The following LRFN5 variants were observed in gnomAD, a reference collection of about 807,000 sequenced individuals.
LRFN5 encodes the protein leucine-rich repeat and fibronectin type-III domain-containing protein 5.
In LRFN5, 24 loss-of-function variants were observed where a neutral mutation model predicts 45.6. The observed-to-expected ratio is 0.53, with a 90% CI of 0.38 to 0.74. The LOEUF (loss-of-function observed/expected upper bound fraction) is 0.74. LRFN5 is among the 30% of genes least tolerant of loss of function. The pLI, the probability that LRFN5 is intolerant of heterozygous loss-of-function variation, is 0.00. For missense variants in LRFN5, 776 were observed against 861.5 expected, an observed-to-expected ratio of 0.90 and a Z score of 1.24; for synonymous variants, 340 against 313.8, an observed-to-expected ratio of 1.08 and a Z score of -0.88.
chr14:41,842,024 C>T (rs534775264), intron 2 of LRFN5, among the ~76,000 whole-genome samples: 4 of 151,840 alleles, frequency 2.6e-5, no homozygotes, highest in Non-Finnish European at 4.4e-5. Flanking sequence ...TGCTATAGTA[C>T]ATATTCCCCC....
intron 1 of LRFN5, among the ~76,000 whole-genome samples, chr14:41,699,251 A>T (rs1882740595): frequency 3.3e-5 from 5 of 152,078 alleles, no homozygotes. Context: ...ATAAGGTTCT[A>T]GGTGATGAAA....
intron 2 of LRFN5, among the ~76,000 whole-genome samples, chr14:41,874,481 T>TAAC (rs1191113780): frequency 1.3e-5 from 2 of 152,160 alleles, no homozygotes; most frequent in African/African-American, 4.8e-5. Flanking sequence ...AACTGAAAGG[T>TAAC]AACAACTCTG....
At chr14:41,837,790 C>G (rs1179468739) in intron 2 of LRFN5, among the ~76,000 whole-genome samples, 2 of 152,042 alleles carry the variant, frequency 1.3e-5, no homozygotes, top group Non-Finnish European at 2.9e-5. Flanking sequence ...AATAATTTAT[C>G]TGGGAGTTTG....
At chr14:41,764,946 A>G (rs1163596875) in intron 1 of LRFN5, among the ~76,000 whole-genome samples, 1 of 152,136 alleles carries the variant, frequency 6.6e-6, no homozygotes, top group East Asian at 1.9e-4. Flanking sequence ...TTCAGTTAAG[A>G]TACTTTACCA....
intron 1 of LRFN5, among the ~76,000 whole-genome samples, chr14:41,671,106 T>G (rs1881187435): frequency 6.6e-6 from 1 of 151,982 alleles, no homozygotes; most frequent in South Asian, 2.1e-4. Flanking sequence ...GTAAAGGAAA[T>G]TTATTTTCTA....
chr14:41,765,628 T>A (rs1458582217), intron 1 of LRFN5, among the ~76,000 whole-genome samples: 1 of 152,204 alleles, frequency 6.6e-6, no homozygotes, highest in Non-Finnish European at 1.5e-5. Context: ...AATTGCTGTA[T>A]CAACATGGTT....
intron 4 of LRFN5, chr14:41,892,751 C>A: frequency 5.1e-6 from 5 of 985,260 alleles, no homozygotes; most frequent in Non-Finnish European, 6.0e-6. Context: ...CTATGATACA[C>A]CTTTTTCAGT....
chr14:41,673,312 C>A (rs1294134072), intron 1 of LRFN5, among the ~76,000 whole-genome samples: 1 of 151,394 alleles, frequency 6.6e-6, no homozygotes, highest in African/African-American at 2.4e-5. Context: ...GCGCCCCTCA[C>A]CTCCGGGACG....
At position 41,891,735 on chromosome 14, in the gene LRFN5, C is replaced by T; in HGVS notation, c.1871C>T (p.Thr624Ile). The change falls in exon 4 of 6, where the codon ACC becomes ATC. Residue 624 changes from threonine (T) to isoleucine (I), a missense_variant. Physicochemically the swap from Thr to Ile is moderately conservative, Grantham distance 89. Coordinates refer to ENST00000298119, the MANE Select transcript of LRFN5 (RefSeq NM_152447.5). The part of the protein sequence containing the change: ...SETCSSQDSS[T>I]TTSALPPSWT... ...ACTTGTTCGAGTCAGGACTCCTCTA[C>T]CACTACCTCTGCTTTGCCTCCTTCC... 6.2e-7 allele frequency: 1 copy of T among 1,614,172 alleles called. No individual in the cohort carries two copies. The highest frequency in any genetic ancestry group is 8.5e-7 in the Non-Finnish European group (1 of 1,180,036).
intron 2 of LRFN5, among the ~76,000 whole-genome samples, chr14:41,873,419 CAGAGAGAG>C (rs10558865): frequency 0.058 from 8,564 of 146,526 alleles, 886 homozygotes; most frequent in East Asian, 0.49. Context: ...GAGAGAGAGA[CAGAGAGAG>C]AGAGAGAGAG....
intron 2 of LRFN5, among the ~76,000 whole-genome samples, chr14:41,854,365 G>T (rs1055794064): frequency 6.6e-6 from 1 of 151,988 alleles, no homozygotes; most frequent in African/African-American, 2.4e-5. Flanking sequence ...GGCCTGTCGT[G>T]GGGTGGGGAG....
intron 2 of LRFN5, among the ~76,000 whole-genome samples, chr14:41,860,443 A>G (rs1421291338): frequency 6.6e-6 from 1 of 152,170 alleles, no homozygotes; most frequent in Non-Finnish European, 1.5e-5. Context: ...AACCAAATAT[A>G]CAATATTTTA....
At chr14:41,668,178 T>C (rs1181839857) in intron 1 of LRFN5, among the ~76,000 whole-genome samples, 2 of 152,116 alleles carry the variant, frequency 1.3e-5, no homozygotes, top group African/African-American at 4.8e-5. Context: ...ATAACAATAT[T>C]ACTGCAGTTT....
At chr14:41,685,232 A>G (rs1450222214) in intron 1 of LRFN5, among the ~76,000 whole-genome samples, 1 of 152,194 alleles carries the variant, frequency 6.6e-6, no homozygotes, top group African/African-American at 2.4e-5. Flanking sequence ...GGAGAACAGT[A>G]TGGAGGTTCC....
intron 1 of LRFN5, among the ~76,000 whole-genome samples, chr14:41,738,125 A>G (rs913997992): frequency 6.6e-6 from 1 of 152,238 alleles, no homozygotes; most frequent in African/African-American, 2.4e-5. Flanking sequence ...CCAAAACAGC[A>G]TGGTACTGGT....
In LRFN5 at chr14:41,887,765, A is replaced by G. The variant is rs747068191; in HGVS notation, c.1140A>G (p.Leu380=). 2.5e-6 allele frequency: 4 copies of G among 1,614,016 alleles called. No homozygotes were observed. The highest frequency in any genetic ancestry group is 3.4e-6 in the Non-Finnish European group (4 of 1,180,036). ...VDLHIIKLPH[L]LNSTNHIHEP... is the part of the protein sequence containing the mutation. Reference sequence around the variant, plus strand: ...TTCATATAATTAAGCTCCCTCACTTACTAAATAGTACAAACCATATCCATG... The same window carrying G: ...TTCATATAATTAAGCTCCCTCACTTGCTAAATAGTACAAACCATATCCATG... Residue 380 remains leucine (L), a synonymous_variant, in exon 3 of 6, where the codon TTA becomes TTG. Coordinates refer to ENST00000298119, the MANE Select transcript of LRFN5 (RefSeq NM_152447.5). The surrounding 1 kb of genome is among the most constrained non-coding windows in gnomAD (Gnocchi z 4.8).
intron 2 of LRFN5, among the ~76,000 whole-genome samples, chr14:41,836,911 A>G (rs555142662): frequency 6.6e-6 from 1 of 152,090 alleles, no homozygotes; most frequent in East Asian, 1.9e-4. Flanking sequence ...ACAGAGAGGG[A>G]ATGACAGAGG....
intron 1 of LRFN5, among the ~76,000 whole-genome samples, chr14:41,715,767 C>A (rs1027931052): frequency 6.6e-6 from 1 of 152,126 alleles, no homozygotes; most frequent in Non-Finnish European, 1.5e-5. Flanking sequence ...GTCGTTGGAT[C>A]TATCATTCTG....
chr14:41,884,343 C>A (rs762450484), intron 2 of LRFN5, among the ~76,000 whole-genome samples: 2 of 151,994 alleles, frequency 1.3e-5, no homozygotes, highest in African/African-American at 4.8e-5. Context: ...AGTTTAATAC[C>A]AGTTAGTAAT....
Sources: allele counts gnomAD v4.1 joint callset (sites outside exome capture counted in the v4.1 genomes callset), GRCh38; gene constraint gnomAD v4.1.1; non-coding constraint Gnocchi (gnomAD v3.1); transcripts MANE v1.5; gene names NCBI Gene and HGNC (gene_info 2026-07-23, HGNC 2026-07-21).